Variants in STON2 observed in about 807,000 individuals in gnomAD.
STON2 encodes stonin 2, also known as stonin-2.
In STON2, 29 loss-of-function variants were observed where a neutral mutation model predicts 65.7. That is an observed-to-expected ratio of 0.44 (90% CI 0.33 to 0.60). STON2 has a LOEUF of 0.60. Ranked by LOEUF, STON2 falls within the 20% of genes least tolerant of loss-of-function variation. The pLI is 0.03. For missense variants in STON2, 1,054 were observed against 1,118.1 expected (o/e 0.94, Z 0.82); for synonymous variants, 404 against 414.2 (o/e 0.98, Z 0.30).
chr14:81,327,274 T>C (rs1286612960), intron 4 of STON2, among the ~76,000 whole-genome samples: 2 of 152,226 alleles, frequency 1.3e-5, no homozygotes, highest in Admixed American at 1.3e-4. Context: ...AATACTGCAG[T>C]TGGTTCATAG....
chr14:81,315,373 G>C (rs889544844), intron 5 of STON2, among the ~76,000 whole-genome samples: 4 of 152,172 alleles, frequency 2.6e-5, no homozygotes, highest in Non-Finnish European at 5.9e-5. Context: ...ATCTCTCTCT[G>C]CCTTTCCATG....
rs184700786 is a variant in STON2, at chr14:81,337,620, T to C, written c.572-13433A>G. Among the ~76,000 whole-genome samples the C allele has an allele frequency of 3.9e-5, 6 of 152,210 alleles. No individual in the cohort carries two copies. The East Asian group carries it at 1.2e-3, about 29-fold the overall frequency. On this transcript the variant is annotated intron_variant, in intron 4 of 7. Transcript: ENST00000614646. The stretch of plus-strand genomic sequence containing the variant: ...GAATGGAGTGAGGGAGTGAACCGTA[T>C]GAAGATCTTGAAGAACGACCTTCCA...
chr14:81,378,988 T>G (rs1374771322), intron 3 of STON2, among the ~76,000 whole-genome samples: 1 of 150,242 alleles, frequency 6.7e-6, no homozygotes, highest in Non-Finnish European at 1.5e-5. Flanking sequence ...ATCAAGATGG[T>G]GATGTTCATT....
chr14:81,261,957 A>G lies in STON2; in HGVS notation c.*6457T>C. ...CTGGGGAAATGATAAAAAAAAAAAA[A>G]AAAAAGAGAGAGATGTGAAAAGGAA... is the stretch of plus-strand genomic sequence containing the variant. On this transcript the variant is annotated 3_prime_UTR_variant, in exon 8 of 8. Transcript: ENST00000614646. 1 of 1,439,820 alleles carries G rather than the reference A, an allele frequency of 6.9e-7. No individual in the cohort carries two copies. The highest frequency in any genetic ancestry group is 9.1e-7 in the Non-Finnish European group (1 of 1,103,638). 89.2% of individuals were successfully genotyped at this position (1,439,820 alleles called of 1,614,324 possible).
intron 5 of STON2, among the ~76,000 whole-genome samples, chr14:81,315,272 C>T (rs1351612507): frequency 1.3e-5 from 2 of 152,200 alleles, no homozygotes; most frequent in East Asian, 1.9e-4. Flanking sequence ...GAAAAAGATG[C>T]TACCAACTAC....
At chr14:81,350,491 A>AG (rs1897983508) in intron 4 of STON2, among the ~76,000 whole-genome samples, 1 of 151,936 alleles carries the variant, frequency 6.6e-6, no homozygotes, top group African/African-American at 2.4e-5. Flanking sequence ...AGAAAAAAAA[A>AG]AAAACTTTCA....
intron 5 of STON2, among the ~76,000 whole-genome samples, chr14:81,287,244 A>G (rs938864572): frequency 1.3e-5 from 2 of 152,216 alleles, no homozygotes; most frequent in Admixed American, 1.3e-4. Context: ...GAGCCGGAGG[A>G]TAAGTCTACG....
chr14:81,356,944 C>T (rs1270622498), intron 4 of STON2, among the ~76,000 whole-genome samples: 1 of 151,944 alleles, frequency 6.6e-6, no homozygotes, highest in Non-Finnish European at 1.5e-5. Flanking sequence ...TTTTGTTGAT[C>T]CTTTCAAAAA....
intron 4 of STON2, among the ~76,000 whole-genome samples, chr14:81,367,850 G>A (rs544763740): frequency 2.0e-5 from 3 of 152,284 alleles, no homozygotes; most frequent in Admixed American, 6.5e-5. Context: ...GTCCGTCAAA[G>A]CAGATGGAAG....
At chr14:81,408,639 T>G (rs1017835666) in intron 2 of STON2, among the ~76,000 whole-genome samples, 10 of 152,208 alleles carry the variant, frequency 6.6e-5, no homozygotes, top group Admixed American at 5.9e-4. Context: ...AGGTTATAAT[T>G]ACAAAATACT....
At chr14:81,327,301 T>C (rs1264100687) in intron 4 of STON2, among the ~76,000 whole-genome samples, 1 of 152,262 alleles carries the variant, frequency 6.6e-6, no homozygotes, top group Non-Finnish European at 1.5e-5. Context: ...TCGTTTTATC[T>C]AAACATTCTT....
Position 81,339,971 on chromosome 14 carries a change from G to C in STON2, c.572-15784C>G, listed in dbSNP as rs7147660. On this transcript the variant is annotated intron_variant, in intron 4 of 7. Coordinates refer to ENST00000614646, the MANE Select transcript of STON2 (RefSeq NM_001394390.1). ...AGATCAAGACCATCCTGGCTAACAC[G>C]ATGAAACCCCATCTCTACTAAAAAT... 7.5e-3 allele frequency among the ~76,000 whole-genome samples: 1,133 copies of C among 151,916 alleles called. 14 individuals carry two copies. Among genetic ancestry groups the C allele is most frequent in the African/African-American group, 0.027 (1,099 of 41,438 alleles).
In STON2 at chr14:81,431,647, G is replaced by A. The variant is rs146197808; in HGVS notation, c.-309-4435C>T. On this transcript the variant is annotated intron_variant, in intron 1 of 8. Transcript: ENST00000553821. ...TACAAAATTAGCCAGGCATAGTGGC[G>A]CATTCCTGTAATCCCAGCTACTAGG... Among the ~76,000 whole-genome samples, 621 of 152,134 alleles carry A rather than the reference G, an allele frequency of 4.1e-3. 4 individuals carry two copies. Among genetic ancestry groups the A allele is most frequent in the Middle Eastern group, 0.037 (11 of 294 alleles).
At chr14:81,295,314 G>T (rs1404809981) in intron 5 of STON2, among the ~76,000 whole-genome samples, 2 of 152,060 alleles carry the variant, frequency 1.3e-5, no homozygotes, top group African/African-American at 4.8e-5. Flanking sequence ...TACACAGCAA[G>T]ACTCCATCTC....
chr14:81,351,621 G>T (rs1024350574), intron 4 of STON2, among the ~76,000 whole-genome samples: 1 of 152,210 alleles, frequency 6.6e-6, no homozygotes, highest in Non-Finnish European at 1.5e-5. Context: ...AGGCACAAAG[G>T]TGCAAAATTT....
At chr14:81,371,275 A>G (rs1898979617) in intron 3 of STON2, 90 bp from the exon 4 acceptor site, 5 of 1,190,796 alleles carry the variant, frequency 4.2e-6, no homozygotes, top group Non-Finnish European at 6.0e-6. Context: ...TGTTGCTCAC[A>G]TCATATGAAA....
chr14:81,277,056 G>T lies in STON2; in HGVS notation c.2426C>A (p.Ser809Tyr), dbSNP rs772529721. ...CCCCCGGTTCACTTTGGCTTTCAAA[G>T]ACTTTTCCCCCAGGACACTTTCCCT... ...FRRESVLGEK[S>Y]LKAKVNRGAS... The change falls in exon 6 of 8, where the codon TCT becomes TAT. Residue 809 changes from serine (S) to tyrosine (Y), a missense_variant. By Grantham distance (144) the Ser-to-Tyr change is moderately radical (BLOSUM62 -2). Transcript: ENST00000614646. The T allele has an allele frequency of 5.6e-6, 9 of 1,614,076 alleles. No individual in the cohort carries two copies. In the East Asian group the frequency reaches 2.0e-4, roughly 36 times the overall value.
chr14:81,436,221 G>C (rs1443203554), intron 1 of STON2: 2 of 151,450 alleles, frequency 1.3e-5, no homozygotes, highest in African/African-American at 2.4e-5. Flanking sequence ...CTCGCGGCCG[G>C]CCCGCCCCCG....
chr14:81,340,027 G>A (rs578217470), intron 4 of STON2, among the ~76,000 whole-genome samples: 18 of 152,262 alleles, frequency 1.2e-4, no homozygotes, highest in South Asian at 2.1e-4. Context: ...GGTGGCGGGC[G>A]CCTGTAGTCC....
Sources: gnomAD v4.1 joint callset for allele counts (sites outside exome capture counted in the v4.1 genomes callset) on GRCh38, gnomAD v4.1.1 for gene constraint, MANE v1.5 for transcripts, NCBI Gene and HGNC (gene_info 2026-07-23, HGNC 2026-07-21) for gene names.